TRAPPC10: variants seen among roughly 807,000 people sequenced by gnomAD.
TRAPPC10 encodes the protein trafficking protein particle complex subunit 10.
In TRAPPC10, 23 loss-of-function variants were observed where a neutral mutation model predicts 125.5. The ratio of observed to expected loss-of-function variants is 0.18; its 90% confidence interval spans 0.13 to 0.26. The LOEUF (loss-of-function observed/expected upper bound fraction) is 0.26. Ranked by LOEUF, TRAPPC10 falls within the 10% of genes least tolerant of loss-of-function variation. The probability of loss-of-function intolerance (pLI) is 1.00; values close to 1 mark genes in which losing one functional copy is unlikely to be tolerated. For synonymous variants in TRAPPC10, 509 were observed against 518.0 expected (o/e 0.98, Z 0.24); for missense variants, 1,123 against 1,308.4 (o/e 0.86, Z 2.19).
At chr21:44,079,060 A>G (rs548007633) in intron 11 of TRAPPC10, among the ~76,000 whole-genome samples, 18 of 152,256 alleles carry the variant, frequency 1.2e-4, no homozygotes, top group Admixed American at 9.8e-4. Context: ...TGAGTTTCCA[A>G]GTGGCTCTGT....
At chr21:44,068,191 G>T (rs2036592656) in intron 7 of TRAPPC10, among the ~76,000 whole-genome samples, 2 of 152,082 alleles carry the variant, frequency 1.3e-5, no homozygotes, top group African/African-American at 4.8e-5. Context: ...AACCATTGTG[G>T]TAGGCACTGT....
chr21:44,018,141 TTC>T (rs1297826697), intron 1 of TRAPPC10, among the ~76,000 whole-genome samples: 1 of 124,868 alleles, frequency 8.0e-6, no homozygotes, highest in Non-Finnish European at 1.5e-5. Context: ...AGGTCTGATT[TTC>T]TTTTTTTTTT....
chr21:44,027,121 G>T (rs565407765), intron 1 of TRAPPC10, among the ~76,000 whole-genome samples: 1 of 152,148 alleles, frequency 6.6e-6, no homozygotes, highest in Non-Finnish European at 1.5e-5. Context: ...TTATGCTAAA[G>T]AATTTGAAGA....
At chr21:44,091,823 T>C in intron 18 of TRAPPC10, 100 bp from the exon 19 acceptor site, 1 of 1,187,712 alleles carries the variant, frequency 8.4e-7, no homozygotes, top group Non-Finnish European at 1.2e-6. Context: ...TTTGTTGCTT[T>C]TTTGATTCCC....
At chr21:44,039,589 G>A (rs940683352) in intron 3 of TRAPPC10, among the ~76,000 whole-genome samples, 1 of 152,156 alleles carries the variant, frequency 6.6e-6, no homozygotes, top group Non-Finnish European at 1.5e-5. Flanking sequence ...GAACTGGGCC[G>A]GTCATGGTGG....
At position 44,090,081 on chromosome 21, in the gene TRAPPC10, A is replaced by G. The variant is rs2038468707; in HGVS notation, c.2870+148A>G. Reference sequence around the variant, plus strand: ...CATTGTTTGTGTCTTAAAATCCACAATTCCCTGGTGTCCTGTGACATCCAG... The same window carrying G: ...CATTGTTTGTGTCTTAAAATCCACAGTTCCCTGGTGTCCTGTGACATCCAG... On this transcript the variant is annotated intron_variant, in intron 18 of 22. Transcript: ENST00000291574. 5 of 601,940 alleles carry G rather than the reference A, an allele frequency of 8.3e-6. No homozygotes were observed. In the Admixed American group the frequency reaches 8.6e-5, roughly 10 times the overall value. The allele number at this position is 601,940 out of a possible 1,614,324, so 37.3% of individuals were successfully genotyped here.
At chr21:44,076,760 G>C in intron 10 of TRAPPC10, 132 bp downstream of exon 10, 1 of 644,190 alleles carries the variant, frequency 1.6e-6, no homozygotes, top group Non-Finnish European at 2.7e-6. Flanking sequence ...TAGTTTCTTT[G>C]GTACCTGGGG....
At chr21:44,071,552 G>A (rs1346890838) in intron 7 of TRAPPC10, among the ~76,000 whole-genome samples, 1 of 152,218 alleles carries the variant, frequency 6.6e-6, no homozygotes, top group Non-Finnish European at 1.5e-5. Context: ...CCTTTGGGGT[G>A]TTACCTGGGG....
intron 11 of TRAPPC10, among the ~76,000 whole-genome samples, chr21:44,078,237 G>A (rs1293898043): frequency 6.6e-6 from 1 of 152,140 alleles, no homozygotes; most frequent in Non-Finnish European, 1.5e-5. Context: ...GGAAGAAGGT[G>A]TGTACAAAGA....
In TRAPPC10 at chr21:44,045,492, A is replaced by G. The variant is rs61038266; in HGVS notation, c.286-6788A>G. On this transcript the variant is annotated intron_variant, in intron 3 of 22. Coordinates refer to ENST00000291574, the MANE Select transcript of TRAPPC10 (RefSeq NM_003274.5). Reference sequence around the variant, plus strand: ...CATTGTTTCCCATGAGAAATCTTTCATTATTATTTTTGTTATTTTGTACAA... The same window carrying G: ...CATTGTTTCCCATGAGAAATCTTTCGTTATTATTTTTGTTATTTTGTACAA... 7.9e-3 allele frequency among the ~76,000 whole-genome samples: 1,199 copies of G among 151,904 alleles called. 19 individuals are homozygous for G. Among genetic ancestry groups the G allele is most frequent in the African/African-American group, 0.028 (1,161 of 41,430 alleles).
intron 1 of TRAPPC10, among the ~76,000 whole-genome samples, chr21:44,015,180 A>G (rs2031678128): frequency 6.6e-6 from 1 of 152,218 alleles, no homozygotes; most frequent in Admixed American, 6.5e-5. Flanking sequence ...TTCATTTTAA[A>G]ATGAAAGTAG....
At chr21:44,027,036 C>T (rs898805083) in intron 1 of TRAPPC10, among the ~76,000 whole-genome samples, 4 of 152,210 alleles carry the variant, frequency 2.6e-5, no homozygotes, top group Admixed American at 6.5e-5. Flanking sequence ...GGTTGAAACA[C>T]TCCACATGTC....
chr21:44,048,797 GTTTTTTTT>G (rs34892092), intron 3 of TRAPPC10, among the ~76,000 whole-genome samples: 1 of 105,612 alleles, frequency 9.5e-6, no homozygotes, highest in Non-Finnish European at 1.9e-5. Flanking sequence ...CCCACCCTGT[GTTTTTTTT>G]TTTTTTTTTT....
Position 44,079,544 on chromosome 21 carries a change from C to T in TRAPPC10, c.1470-20C>T. The T allele has an allele frequency of 6.3e-7, 1 of 1,580,616 alleles. No homozygotes were observed. Among genetic ancestry groups the T allele is most frequent in the Non-Finnish European group, 8.5e-7 (1 of 1,171,388 alleles). On this transcript the variant is annotated intron_variant, in intron 11 of 22. Coordinates refer to ENST00000291574, the MANE Select transcript of TRAPPC10 (RefSeq NM_003274.5). ...TTATCCCTAGCTGTAATGAAAGCTA[C>T]TGTTTGTTGACTTTGCAAGGAGGAA...
chr21:44,037,765 T>A (rs766998618), intron 2 of TRAPPC10, 27 bp from the exon 3 acceptor site: 13 of 1,603,312 alleles, frequency 8.1e-6, no homozygotes, highest in Non-Finnish European at 1.0e-5. Context: ...AGTTGTTTTC[T>A]CAGTGACTTC....
rs1439736217 is a variant in TRAPPC10 at position 44,063,213 on chromosome 21, C to A, written c.791-325C>A. The A allele has an allele frequency of 7.9e-7, 1 of 1,269,672 alleles. No homozygotes were observed. Among genetic ancestry groups the A allele is most frequent in the African/African-American group, 1.5e-5 (1 of 64,978 alleles). The allele number at this position is 1,269,672 out of a possible 1,614,324, so 78.7% of individuals were successfully genotyped here. Reference sequence around the variant, plus strand: ...GCCCCGCTGCAGCCTAAGACTAGAGCCCTCCCTCGGCCTGAGACAGAGCCT... The same window carrying A: ...GCCCCGCTGCAGCCTAAGACTAGAGACCTCCCTCGGCCTGAGACAGAGCCT... On this transcript the variant is annotated intron_variant, in intron 6 of 22. Transcript: ENST00000291574. This position sits in a 1 kb window ranked among gnomAD's most constrained non-coding sequence, Gnocchi z 4.4.
At chr21:44,044,792 T>C (rs1274083284) in intron 3 of TRAPPC10, among the ~76,000 whole-genome samples, 2 of 151,070 alleles carry the variant, frequency 1.3e-5, no homozygotes, top group African/African-American at 4.9e-5. Flanking sequence ...GCCTCTGAAG[T>C]AGCTGAGATT....
chr21:44,075,010 T>G (rs753061815), intron 8 of TRAPPC10, 29 bp from the exon 9 acceptor site: 3 of 1,470,510 alleles, frequency 2.0e-6, no homozygotes, highest in Non-Finnish European at 2.8e-6. Context: ...TACGGCAAAT[T>G]AATTGAAATT....
chr21:44,043,856 C>T (rs866444658), intron 3 of TRAPPC10, among the ~76,000 whole-genome samples: 2 of 152,218 alleles, frequency 1.3e-5, no homozygotes, highest in Non-Finnish European at 2.9e-5. Flanking sequence ...CCAAGCAGCC[C>T]CGTGGGAAGG....
Sources: gnomAD v4.1 joint callset for allele counts (sites outside exome capture counted in the v4.1 genomes callset) on GRCh38, gnomAD v4.1.1 for gene constraint, Gnocchi (gnomAD v3.1) non-coding constraint, MANE v1.5 for transcripts, NCBI Gene and HGNC (gene_info 2026-07-23, HGNC 2026-07-21) for gene names.